Variants in CACNA1D observed in about 807,000 individuals in gnomAD.
The protein encoded by CACNA1D is calcium voltage-gated channel subunit alpha1 D.
CACNA1D carries 55 observed loss-of-function variants against 257.1 expected under a neutral mutation model. That is an observed-to-expected ratio of 0.21 (90% CI 0.17 to 0.27). The LOEUF is 0.27. Among genes scored for constraint, CACNA1D ranks in the 10% least tolerant of loss-of-function variants. CACNA1D has a pLI of 1.00. For synonymous variants in CACNA1D, 980 were observed against 1,014.9 expected, an observed-to-expected ratio of 0.97 and a Z score of 0.65; for missense variants, 1,876 against 2,784.0, an observed-to-expected ratio of 0.67 and a Z score of 7.34.
chr3:53,730,382 T>C, intron 15 of CACNA1D, 60 bp from the exon 16 acceptor site: 4 of 1,137,274 alleles, frequency 3.5e-6, no homozygotes, highest in Non-Finnish European at 5.4e-6. Context: ...GGCGTTGCCA[T>C]TGTTGGCCGC....
chr3:53,774,824 T>A lies in CACNA1D; in HGVS notation c.4202+146T>A, dbSNP rs1052021487. 3 of 627,622 alleles carry A rather than the reference T, an allele frequency of 4.8e-6. No homozygotes were observed. The African/African-American group carries it at 5.4e-5, about 11-fold the overall frequency. The allele number at this position is 627,622 out of a possible 1,614,324, so 38.9% of individuals were successfully genotyped here. ...TTTTGTTTTTGTTTGTTCTGTATTCTTAAACACAGACCCTAGCATTTCAAA... is the reference window on the plus strand; with the variant it reads ...TTTTGTTTTTGTTTGTTCTGTATTCATAAACACAGACCCTAGCATTTCAAA... On this transcript the variant is annotated intron_variant, in intron 34 of 47. Coordinates refer to ENST00000350061, the MANE Select transcript of CACNA1D (RefSeq NM_001128840.3). The surrounding 1 kb of genome is among the most constrained non-coding windows in gnomAD (Gnocchi z 4.3).
At chr3:53,695,172 C>A (rs1444833245) in intron 8 of CACNA1D, among the ~76,000 whole-genome samples, 5 of 152,082 alleles carry the variant, frequency 3.3e-5, no homozygotes, top group Non-Finnish European at 4.4e-5. Flanking sequence ...CAGTCAGGTC[C>A]CCGTGGAGGA....
intron 12 of CACNA1D, among the ~76,000 whole-genome samples, chr3:53,722,780 G>A (rs980090348): frequency 6.6e-6 from 1 of 152,176 alleles, no homozygotes; most frequent in African/African-American, 2.4e-5. Flanking sequence ...CCTCATCGGG[G>A]AAGCTTCATT....
intron 7 of CACNA1D, 76 bp from the exon 8 acceptor site, chr3:53,672,947 G>A (rs2094339908): frequency 1.1e-6 from 1 of 905,908 alleles, no homozygotes; most frequent in Non-Finnish European, 1.8e-6. Flanking sequence ...ATAGAATGCT[G>A]TCTCTAATGT....
At chr3:53,642,779 C>T (rs2093974616) in intron 3 of CACNA1D, among the ~76,000 whole-genome samples, 1 of 152,230 alleles carries the variant, frequency 6.6e-6, no homozygotes, top group Admixed American at 6.5e-5. Context: ...CTTGCCCCAC[C>T]TGGGTGATTG....
chr3:53,594,499 C>A (rs1476712921), intron 3 of CACNA1D, among the ~76,000 whole-genome samples: 1 of 152,176 alleles, frequency 6.6e-6, no homozygotes, highest in African/African-American at 2.4e-5. Context: ...CCATTCTACT[C>A]AGGAGACAAA....
chr3:53,709,664 G>A (rs758330121), intron 9 of CACNA1D, among the ~76,000 whole-genome samples: 1 of 152,164 alleles, frequency 6.6e-6, no homozygotes, highest in Non-Finnish European at 1.5e-5. Flanking sequence ...AAGACTAGCT[G>A]GCTTAGAGTG....
chr3:53,766,455 T>C (rs1190113398), intron 30 of CACNA1D, among the ~76,000 whole-genome samples: 2 of 152,254 alleles, frequency 1.3e-5, no homozygotes, highest in South Asian at 4.1e-4. Flanking sequence ...TGTTCTGGGA[T>C]GCTGGTTTGC....
chr3:53,776,614 G>A lies in CACNA1D; in HGVS notation c.4374G>A (p.Leu1458=), dbSNP rs1258051359. The A allele has an allele frequency of 6.2e-7, 1 of 1,614,076 alleles. No homozygotes were observed. Among genetic ancestry groups the A allele is most frequent in the Non-Finnish European group, 8.5e-7 (1 of 1,180,038 alleles). The change falls in exon 36 of 48, where the codon CTG becomes CTA. Residue 1458 remains leucine (L), a synonymous_variant. Coordinates refer to ENST00000350061, the MANE Select transcript of CACNA1D (RefSeq NM_001128840.3). ...ATTTGCTTTTTCAGATCATCAATCT[G>A]TTTGTGGCTGTCATCATGGATAATT... ...YMLCAFLIIN[L]FVAVIMDNFD...
chr3:53,718,636 C>T (rs369536787), intron 10 of CACNA1D: 66 of 1,456,800 alleles, frequency 4.5e-5, no homozygotes, highest in Non-Finnish European at 5.6e-5. Context: ...AAGTAGAGCC[C>T]GTGAAGAATG....
intron 2 of CACNA1D, among the ~76,000 whole-genome samples, 160 bp downstream of exon 2, chr3:53,497,621 C>T (rs941052313): frequency 1.3e-5 from 2 of 152,046 alleles, no homozygotes; most frequent in Admixed American, 6.6e-5. Flanking sequence ...CCTGTCTCTT[C>T]GGGTTGCAGA....
intron 2 of CACNA1D, among the ~76,000 whole-genome samples, chr3:53,501,145 G>A (rs944947426): frequency 6.6e-6 from 1 of 152,212 alleles, no homozygotes; most frequent in Non-Finnish European, 1.5e-5. Flanking sequence ...GATTTAGGCT[G>A]ACCCTGCCAA....
chr3:53,734,001 T>TATAC (rs1171743404), intron 19 of CACNA1D, among the ~76,000 whole-genome samples: 12 of 27,676 alleles, frequency 4.3e-4, no homozygotes, highest in African/African-American at 1.6e-3. Context: ...TACATATACA[T>TATAC]ATATATATGT....
chr3:53,761,640 C>A (rs1016319890), intron 29 of CACNA1D, among the ~76,000 whole-genome samples: 1 of 152,158 alleles, frequency 6.6e-6, no homozygotes, highest in Non-Finnish European at 1.5e-5. Flanking sequence ...TCCATCAGAT[C>A]GTGAGGGTTT....
intron 39 of CACNA1D, among the ~76,000 whole-genome samples, chr3:53,783,393 G>C (rs2095436337): frequency 6.6e-6 from 1 of 152,226 alleles, no homozygotes; most frequent in Non-Finnish European, 1.5e-5. Context: ...ACTTCTAGTA[G>C]AGTAGAAATC....
chr3:53,531,018 ATTTTTTT>A (rs11328561), intron 3 of CACNA1D, among the ~76,000 whole-genome samples: 8 of 118,888 alleles, frequency 6.7e-5, no homozygotes, highest in African/African-American at 2.2e-4. Context: ...GCTAATTTTA[ATTTTTTT>A]TTTTTTTTTT....
intron 3 of CACNA1D, among the ~76,000 whole-genome samples, chr3:53,551,799 C>T (rs375887125): frequency 1.5e-4 from 23 of 152,198 alleles, no homozygotes; most frequent in African/African-American, 4.6e-4. Flanking sequence ...ACAAACTGGC[C>T]GTGCCTCCTC....
intron 12 of CACNA1D, among the ~76,000 whole-genome samples, chr3:53,722,982 A>T (rs1044201611): frequency 2.0e-5 from 3 of 152,118 alleles, no homozygotes; most frequent in African/African-American, 7.2e-5. Flanking sequence ...TGATATTTTC[A>T]GCTGTTAGAA....
At chr3:53,678,359 A>G (rs1473523487) in intron 8 of CACNA1D, among the ~76,000 whole-genome samples, 2 of 152,190 alleles carry the variant, frequency 1.3e-5, no homozygotes, top group African/African-American at 4.8e-5. Context: ...CACTCTTATG[A>G]CATAAAATTG....
Sources: allele counts gnomAD v4.1 joint callset (sites outside exome capture counted in the v4.1 genomes callset), GRCh38; gene constraint gnomAD v4.1.1; non-coding constraint Gnocchi (gnomAD v3.1); transcripts MANE v1.5; gene names NCBI Gene and HGNC (gene_info 2026-07-23, HGNC 2026-07-21).